The following ZNRF3 variants were observed in gnomAD, a reference collection of about 807,000 sequenced individuals.
The protein encoded by ZNRF3 is zinc and ring finger 3.
A neutral mutation model predicts 72.5 loss-of-function variants in ZNRF3; 23 were observed. The ratio of observed to expected loss-of-function variants is 0.32; its 90% CI spans 0.23 to 0.45. The LOEUF (loss-of-function observed/expected upper bound fraction) is 0.45. Ranked by LOEUF, ZNRF3 falls within the 20% of genes least tolerant of loss-of-function variation. ZNRF3 has a pLI of 1.00. For missense variants in ZNRF3, 1,169 were observed against 1,272.1 expected, an observed-to-expected ratio of 0.92 and a Z score of 1.23; for synonymous variants, 610 against 545.3, an observed-to-expected ratio of 1.12 and a Z score of -1.65.
chr22:29,000,030 T>C (rs574011422), intron 2 of ZNRF3, among the ~76,000 whole-genome samples: 59 of 152,354 alleles, frequency 3.9e-4, no homozygotes, highest in Admixed American at 9.8e-4. Flanking sequence ...TCTGCTTTTG[T>C]GATGTTGTTT....
At chr22:28,978,842 T>C (rs1164810849) in intron 1 of ZNRF3, among the ~76,000 whole-genome samples, 1 of 152,204 alleles carries the variant, frequency 6.6e-6, no homozygotes, top group African/African-American at 2.4e-5. Context: ...GACCTCCTCC[T>C]GTAGAAAAAG....
intron 2 of ZNRF3, among the ~76,000 whole-genome samples, chr22:29,029,130 G>T (rs2036699175): frequency 6.6e-6 from 1 of 152,214 alleles, no homozygotes; most frequent in Non-Finnish European, 1.5e-5. Context: ...TGGACCAGGG[G>T]TCAGCTGTCT....
intron 1 of ZNRF3, among the ~76,000 whole-genome samples, chr22:28,976,113 C>T (rs931901508): frequency 6.6e-5 from 10 of 152,196 alleles, no homozygotes; most frequent in African/African-American, 2.4e-4. Context: ...TTGTCACTAT[C>T]TAGTTCACTA....
intron 2 of ZNRF3, among the ~76,000 whole-genome samples, chr22:29,021,057 A>G (rs1412909370): frequency 6.6e-6 from 1 of 151,862 alleles, no homozygotes; most frequent in Non-Finnish European, 1.5e-5. Context: ...CGGCCTTCCA[A>G]AGTGCTGGGA....
intron 2 of ZNRF3, among the ~76,000 whole-genome samples, chr22:29,016,024 A>AAAC (rs200490178): frequency 0.014 from 2,049 of 143,006 alleles, 74 homozygotes; most frequent in African/African-American, 0.055. Context: ...CAAAAAAAAA[A>AAAC]AAAAACAAAA....
rs1289218553 is a variant in ZNRF3 at position 29,053,722 on chromosome 22, A to G, written c.*100A>G. 2.0e-5 allele frequency: 26 copies of G among 1,275,370 alleles called. No homozygotes were observed. Among genetic ancestry groups the G allele is most frequent in the Non-Finnish European group, 2.8e-5 (26 of 916,572 alleles). 79.0% of individuals were successfully genotyped at this position (1,275,370 alleles called of 1,614,324 possible). A position where few individuals can be genotyped will look rare whatever the true frequency, so the allele number is the denominator to read the frequency against. On this transcript the variant is annotated 3_prime_UTR_variant, in exon 9 of 9. Transcript: ENST00000544604. The stretch of plus-strand genomic sequence containing the variant: ...ACAAAAAATTTTTTTAGCTTTGACA[A>G]ACACACAAAAGTGGTAATAAAGAGA...
intron 1 of ZNRF3, among the ~76,000 whole-genome samples, chr22:28,960,685 C>T (rs2035342299): frequency 6.6e-6 from 1 of 152,114 alleles, no homozygotes; most frequent in Admixed American, 6.5e-5. Flanking sequence ...GTTTACTGCC[C>T]CCTTTTGAAA....
chr22:28,893,712 G>A (rs2033937273), intron 1 of ZNRF3, among the ~76,000 whole-genome samples: 1 of 152,100 alleles, frequency 6.6e-6, no homozygotes, highest in Non-Finnish European at 1.5e-5. Context: ...TGCTCAGGCT[G>A]GTCTTGAACT....
At chr22:28,889,459 C>T (rs1002538046) in intron 1 of ZNRF3, among the ~76,000 whole-genome samples, 13 of 152,066 alleles carry the variant, frequency 8.5e-5, no homozygotes, top group East Asian at 3.9e-4. Context: ...AAGAGTTGTA[C>T]GGAAGTCTAC....
chr22:29,048,241 A>G lies in ZNRF3; in HGVS notation c.913-148A>G. 2 of 597,010 alleles carry G rather than the reference A, an allele frequency of 3.4e-6. No homozygotes were observed. Among genetic ancestry groups the G allele is most frequent in the Non-Finnish European group, 5.9e-6 (2 of 339,466 alleles). 37.0% of individuals were successfully genotyped at this position (597,010 alleles called of 1,614,324 possible). A position where few individuals can be genotyped will look rare whatever the true frequency, so the allele number is the denominator to read the frequency against. ...GAACACATGGGTGGGCCCTGCTTCTAGGGAATTGAGCCCTAATTGGAGGTG... is the reference window on the plus strand; with the variant it reads ...GAACACATGGGTGGGCCCTGCTTCTGGGGAATTGAGCCCTAATTGGAGGTG... On this transcript the variant is annotated intron_variant, in intron 6 of 8. Transcript: ENST00000544604. This position sits in a 1 kb window ranked among gnomAD's most constrained non-coding sequence, Gnocchi z 4.9.
At position 29,056,238 on chromosome 22, in the gene ZNRF3, A is replaced by G. The variant is rs2037294809; in HGVS notation, c.*2616A>G. On this transcript the variant is annotated 3_prime_UTR_variant, in exon 9 of 9. Transcript: ENST00000544604. ...TGCCTCAGCCTCCCAAGTAGCTGGG[A>G]TTACAGGCATGCGCCACCACACCCA... is the stretch of plus-strand genomic sequence containing the variant. 6.6e-6 allele frequency: 1 copy of G among 152,122 alleles called. No individual in the cohort carries two copies. The highest frequency in any genetic ancestry group is 1.5e-5 in the Non-Finnish European group (1 of 68,088). The allele number at this position is 152,122 out of a possible 1,614,324, so 9.4% of individuals were successfully genotyped here.
At chr22:28,955,102 G>A (rs1209856243) in intron 1 of ZNRF3, among the ~76,000 whole-genome samples, 2 of 147,392 alleles carry the variant, frequency 1.4e-5, no homozygotes, top group Non-Finnish European at 3.0e-5. Flanking sequence ...GTACAGTGGT[G>A]CAATCATGGC....
intron 1 of ZNRF3, among the ~76,000 whole-genome samples, chr22:28,957,672 C>T (rs2035283956): frequency 6.6e-6 from 1 of 151,946 alleles, no homozygotes; most frequent in African/African-American, 2.4e-5. Context: ...AACTCCTGGC[C>T]TTGTGATCCG....
intron 2 of ZNRF3, among the ~76,000 whole-genome samples, chr22:28,998,144 CATA>C (rs1470995519): frequency 6.6e-6 from 1 of 150,908 alleles, no homozygotes; most frequent in Non-Finnish European, 1.5e-5. Context: ...AGTAAAAATA[CATA>C]AATTAGCCGG....
chr22:28,931,671 A>C (rs1569250266), intron 1 of ZNRF3, among the ~76,000 whole-genome samples: 1 of 152,026 alleles, frequency 6.6e-6, no homozygotes, highest in Non-Finnish European at 1.5e-5. Flanking sequence ...CTGTCCACCT[A>C]CCCATCCGTC....
Position 29,049,082 on chromosome 22 carries a change from C to A in ZNRF3, c.1016-115C>A. ...GGGGGCAGGGTTGTGAGAATGGGTACCTTGGCAGGTGACCAAGCCTGCTGC... is the reference window on the plus strand; with the variant it reads ...GGGGGCAGGGTTGTGAGAATGGGTAACTTGGCAGGTGACCAAGCCTGCTGC... On this transcript the variant is annotated intron_variant, in intron 7 of 8. Coordinates refer to ENST00000544604, the MANE Select transcript of ZNRF3 (RefSeq NM_001206998.2). The surrounding 1 kb of genome is among the most constrained non-coding windows in gnomAD (Gnocchi z 5.2). 1 of 1,199,762 alleles carries A rather than the reference C, an allele frequency of 8.3e-7. No homozygotes were observed. The highest frequency in any genetic ancestry group is 1.2e-6 in the Non-Finnish European group (1 of 853,190). 74.3% of individuals were successfully genotyped at this position (1,199,762 alleles called of 1,614,324 possible).
intron 1 of ZNRF3, among the ~76,000 whole-genome samples, chr22:28,904,107 A>T (rs1389520050): frequency 6.6e-6 from 1 of 152,160 alleles, no homozygotes; most frequent in Non-Finnish European, 1.5e-5. Flanking sequence ...GCATTTAAAT[A>T]AGCAACCTAA....
intron 1 of ZNRF3, among the ~76,000 whole-genome samples, chr22:28,953,370 G>C (rs1208046671): frequency 1.3e-5 from 2 of 152,218 alleles, no homozygotes; most frequent in Non-Finnish European, 2.9e-5. Flanking sequence ...CTGCTTGACA[G>C]AGTTGTGAGG....
chr22:28,915,882 C>A (rs2034398833), intron 1 of ZNRF3, among the ~76,000 whole-genome samples: 1 of 152,186 alleles, frequency 6.6e-6, no homozygotes, highest in Admixed American at 6.5e-5. Context: ...GCATCCAGTG[C>A]TAACTTTATG....
Sources: gnomAD v4.1 joint callset for allele counts (sites outside exome capture counted in the v4.1 genomes callset) on GRCh38, gnomAD v4.1.1 for gene constraint, Gnocchi (gnomAD v3.1) non-coding constraint, MANE v1.5 for transcripts, NCBI Gene and HGNC (gene_info 2026-07-23, HGNC 2026-07-21) for gene names.